Variants in TARBP1 observed in about 807,000 individuals in gnomAD.
TARBP1 encodes tRNA guanosine 2 -O-methyltransferase TARBP1, also known as tRNA (guanosine(18)-2'-O)-methyltransferase TARBP1.
A neutral mutation model predicts 178.6 loss-of-function variants in TARBP1; 144 were observed. The observed-to-expected ratio is 0.81, with a 90% CI of 0.70 to 0.93. TARBP1 has a LOEUF of 0.93. Ranked by LOEUF, TARBP1 falls within the 40% of genes least tolerant of loss-of-function variation. The pLI is 0.00. For missense variants in TARBP1, 2,067 were observed against 2,011.7 expected, an observed-to-expected ratio of 1.03 and a Z score of -0.53; for synonymous variants, 787 against 781.0, an observed-to-expected ratio of 1.01 and a Z score of -0.13.
At chr1:234,410,142 T>C (rs1024050747) in intron 23 of TARBP1, among the ~76,000 whole-genome samples, 7 of 152,212 alleles carry the variant, frequency 4.6e-5, no homozygotes, top group Admixed American at 2.0e-4. Context: ...GAATCCTAAG[T>C]AATCCTAATC....
chr1:234,449,741 T>TG (rs1666545990), intron 10 of TARBP1, among the ~76,000 whole-genome samples: 1 of 152,210 alleles, frequency 6.6e-6, no homozygotes, highest in Admixed American at 6.5e-5. Context: ...GAAAATGACT[T>TG]TGTGTGAGAC....
chr1:234,404,663 C>G (rs1291838462), intron 24 of TARBP1, among the ~76,000 whole-genome samples: 1 of 152,114 alleles, frequency 6.6e-6, no homozygotes, highest in Admixed American at 6.5e-5. Flanking sequence ...GGGCCAGGCA[C>G]AGGAAGGTCA....
At chr1:234,439,927 G>A (rs775125423) in intron 12 of TARBP1, among the ~76,000 whole-genome samples, 1 of 152,062 alleles carries the variant, frequency 6.6e-6, no homozygotes, top group Non-Finnish European at 1.5e-5. Context: ...TATTGAACAC[G>A]TCAGCCACTA....
chr1:234,456,632 C>CA (rs1411125887), intron 9 of TARBP1, among the ~76,000 whole-genome samples: 1 of 151,726 alleles, frequency 6.6e-6, no homozygotes, highest in Non-Finnish European at 1.5e-5. Context: ...TATGTGAATA[C>CA]AAAAAAATAA....
At chr1:234,474,741 T>C (rs1571893189) in intron 1 of TARBP1, among the ~76,000 whole-genome samples, 2 of 152,118 alleles carry the variant, frequency 1.3e-5, no homozygotes, top group Admixed American at 6.5e-5. Context: ...AAACCATCAA[T>C]GAAATATGAG....
chr1:234,453,507 G>A (rs1666994679), intron 9 of TARBP1, among the ~76,000 whole-genome samples: 1 of 151,752 alleles, frequency 6.6e-6, no homozygotes, highest in South Asian at 2.1e-4. Flanking sequence ...TCTGCACTTT[G>A]TTTAATTTTT....
At position 234,478,372 on chromosome 1, in the gene TARBP1, G is replaced by C. The variant is rs780804984; in HGVS notation, c.732C>G (p.Pro244=). The C allele has an allele frequency of 3.9e-6, 5 of 1,295,844 alleles. No homozygotes were observed. The highest frequency in any genetic ancestry group is 6.9e-5 in the East Asian group (2 of 28,842). 80.3% of individuals were successfully genotyped at this position (1,295,844 alleles called of 1,614,324 possible). ...SALAEKLLPE[P]GGDRARGARE... ...GCGCGCCGCGGGCGCGGTCGCCGCCGGGCTCGGGCAACAGCTTCTCGGCCA... is the reference window on the plus strand; with the variant it reads ...GCGCGCCGCGGGCGCGGTCGCCGCCCGGCTCGGGCAACAGCTTCTCGGCCA... Residue 244 remains proline (P), a synonymous_variant, in exon 1 of 30, where the codon CCC becomes CCG. Transcript: ENST00000040877.
rs1659654851 is a variant in TARBP1, at chr1:234,393,826, C to T, written c.4255G>A (p.Val1419Ile). Residue 1419 changes from valine to isoleucine, a missense_variant, in exon 27 of 30, where the codon GTC (valine) becomes ATC (isoleucine). Coordinates refer to ENST00000040877, the MANE Select transcript of TARBP1 (RefSeq NM_005646.4). ...WSQQDIGTNL[V>I]EADNQAEWTD... is the part of the protein sequence containing the mutation. ...CACTCCGCTTGGTTATCTGCTTCGA[C>T]CAAATTAGTACCTGGGAAGGAAAAA... 1 of 1,607,480 alleles carries T rather than the reference C, an allele frequency of 6.2e-7. No homozygotes were observed. Among genetic ancestry groups the T allele is most frequent in the Non-Finnish European group, 8.5e-7 (1 of 1,175,816 alleles).
chr1:234,427,890 G>A (rs1663964908), intron 17 of TARBP1, 124 bp from the exon 18 acceptor site: 1 of 535,264 alleles, frequency 1.9e-6, no homozygotes. Flanking sequence ...ATTCATTACT[G>A]TTAGAATAAC....
At chr1:234,470,667 G>A (rs560397114) in intron 3 of TARBP1, among the ~76,000 whole-genome samples, 1 of 151,690 alleles carries the variant, frequency 6.6e-6, no homozygotes, top group Non-Finnish European at 1.5e-5. Flanking sequence ...CCAGCCTGGA[G>A]TGCAGCAGTG....
At chr1:234,467,405 A>G (rs1558252967) in intron 4 of TARBP1, 97 bp downstream of exon 4, 2 of 1,212,226 alleles carry the variant, frequency 1.6e-6, no homozygotes, top group East Asian at 2.8e-5. Context: ...GTTGGATGCA[A>G]ATCTCCAAAA....
At chr1:234,445,711 A>G (rs1666090946) in intron 12 of TARBP1, among the ~76,000 whole-genome samples, 2 of 152,252 alleles carry the variant, frequency 1.3e-5, no homozygotes, top group African/African-American at 4.8e-5. Flanking sequence ...CAAAATAGGA[A>G]GACAAAGAGT....
At chr1:234,408,077 C>T (rs1036565722) in intron 23 of TARBP1, 5 of 152,112 alleles carry the variant, frequency 3.3e-5, no homozygotes, top group East Asian at 3.8e-4. Flanking sequence ...GCTTTCAGGA[C>T]GTAAATGATG....
At chr1:234,403,876 C>G (rs1247260575) in intron 24 of TARBP1, among the ~76,000 whole-genome samples, 2 of 152,024 alleles carry the variant, frequency 1.3e-5, no homozygotes, top group Non-Finnish European at 2.9e-5. Context: ...TAGAGACAGA[C>G]AGGGTTTCAC....
chr1:234,466,620 T>A (rs1257600003), intron 4 of TARBP1, among the ~76,000 whole-genome samples: 1 of 152,094 alleles, frequency 6.6e-6, no homozygotes, highest in Non-Finnish European at 1.5e-5. Context: ...CCCAGCACTT[T>A]GGGAGGCCAA....
intron 22 of TARBP1, among the ~76,000 whole-genome samples, chr1:234,415,969 C>T (rs913270341): frequency 2.0e-5 from 3 of 152,210 alleles, no homozygotes; most frequent in Non-Finnish European, 4.4e-5. Flanking sequence ...CCTTTGCCTA[C>T]ATCAAAAACT....
chr1:234,473,073 CTA>C (rs780158884), intron 1 of TARBP1, among the ~76,000 whole-genome samples: 27 of 151,940 alleles, frequency 1.8e-4, no homozygotes, highest in Non-Finnish European at 3.2e-4. Flanking sequence ...AAGAATCTCA[CTA>C]TAACAGTAAA....
intron 26 of TARBP1, among the ~76,000 whole-genome samples, chr1:234,395,281 G>A (rs555995002): frequency 6.6e-6 from 1 of 152,278 alleles, no homozygotes; most frequent in Non-Finnish European, 1.5e-5. Context: ...AAAATTTTAA[G>A]AAGGAGAGTA....
At chr1:234,429,897 T>C (rs888579429) in intron 15 of TARBP1, among the ~76,000 whole-genome samples, 190 bp downstream of exon 15, 3 of 152,178 alleles carry the variant, frequency 2.0e-5, no homozygotes, top group Non-Finnish European at 4.4e-5. Context: ...TCTGAAATGA[T>C]TCAGTGAAAA....
Sources: gnomAD v4.1 joint callset for allele counts (sites outside exome capture counted in the v4.1 genomes callset) on GRCh38, gnomAD v4.1.1 for gene constraint, MANE v1.5 for transcripts, NCBI Gene and HGNC (gene_info 2026-07-23, HGNC 2026-07-21) for gene names.